Variants in LIMS1 observed in about 807,000 individuals in gnomAD.
LIMS1 encodes the protein LIM and senescent cell antigen-like-containing domain protein 1.
LIMS1 carries 18 observed loss-of-function variants against 44.1 expected under a neutral mutation model. That is an observed-to-expected ratio of 0.41 (90% CI 0.28 to 0.61). LIMS1 has a LOEUF of 0.61. LIMS1 is among the 20% of genes least tolerant of loss of function. The pLI, the probability that LIMS1 is intolerant of heterozygous loss-of-function variation, is 0.32. For synonymous variants in LIMS1, 93 were observed against 149.1 expected, an observed-to-expected ratio of 0.62 and a Z score of 2.74; for missense variants, 201 against 422.0, an observed-to-expected ratio of 0.48 and a Z score of 4.59.
chr2:108,624,709 A>T (rs1015103045), intron 1 of LIMS1, among the ~76,000 whole-genome samples: 5 of 152,188 alleles, frequency 3.3e-5, no homozygotes, highest in South Asian at 2.1e-4. Flanking sequence ...GTGAGCCGAG[A>T]TCGCGCCACT....
At position 108,588,037 on chromosome 2, in the gene LIMS1, C is replaced by G. The variant is rs913482860; in HGVS notation, c.32+53443C>G. Among the ~76,000 whole-genome samples, 19 of 152,294 alleles carry G rather than the reference C, an allele frequency of 1.2e-4. 1 individual carries two copies. The highest frequency in any genetic ancestry group is 1.2e-3 in the Admixed American group (19 of 15,300). On this transcript the variant is annotated intron_variant, in intron 1 of 9. Transcript: ENST00000544547. ...AGAGATCCAGAGGGCCAGAGGCTAT[C>G]ATTTTTTTAAAGTTACCTCTTTCTA...
rs536138857 is a variant in LIMS1 at position 108,540,574 on chromosome 2, G to A, written c.32+5980G>A. Among the ~76,000 whole-genome samples the A allele has an allele frequency of 7.2e-5, 11 of 152,258 alleles. No individual in the cohort carries two copies. The East Asian group carries it at 7.7e-4, about 11-fold the overall frequency. On this transcript the variant is annotated intron_variant, in intron 1 of 9. Transcript: ENST00000544547. ...TATAGTGCATGCTTTATCTGTTAACGTGCTAAAAAGACAATCATGGTGACA... is the reference window on the plus strand; with the variant it reads ...TATAGTGCATGCTTTATCTGTTAACATGCTAAAAAGACAATCATGGTGACA...
chr2:108,591,026 G>A (rs1304738156), intron 1 of LIMS1, among the ~76,000 whole-genome samples: 1 of 152,196 alleles, frequency 6.6e-6, no homozygotes. Context: ...GAGGGAGGGT[G>A]TATGTGGAGT....
rs934799506 is a variant in LIMS1 at position 108,615,746 on chromosome 2, G to A, written c.33-43859G>A. Among the ~76,000 whole-genome samples, 7 of 152,176 alleles carry A rather than the reference G, an allele frequency of 4.6e-5. No individual in the cohort carries two copies. In the East Asian group the frequency reaches 1.3e-3, roughly 29 times the overall value. On this transcript the variant is annotated intron_variant, in intron 1 of 9. Transcript: ENST00000544547. ...AGAAGGAGAAAAGTGTGCTTAGTCA[G>A]GGAGTCATGTTGCACAGGTCCTGTC...
intron 1 of LIMS1, among the ~76,000 whole-genome samples, chr2:108,635,712 G>A (rs1689201207): frequency 6.6e-6 from 1 of 152,062 alleles, no homozygotes; most frequent in African/African-American, 2.4e-5. Flanking sequence ...AAAAAAGAAT[G>A]AGGTAGACAG....
chr2:108,644,507 G>T (rs886592249), intron 1 of LIMS1, among the ~76,000 whole-genome samples: 1 of 152,122 alleles, frequency 6.6e-6, no homozygotes, highest in Non-Finnish European at 1.5e-5. Flanking sequence ...CAACTTCAAA[G>T]ACCAAAGGTA....
At chr2:108,550,656 A>G (rs1482401259) in intron 1 of LIMS1, among the ~76,000 whole-genome samples, 9 of 149,864 alleles carry the variant, frequency 6.0e-5, no homozygotes, top group Non-Finnish European at 1.2e-4. Context: ...TCTACTAAAA[A>G]TACAAAAAAA....
chr2:108,582,898 C>T (rs1685939843), intron 1 of LIMS1, among the ~76,000 whole-genome samples: 1 of 152,108 alleles, frequency 6.6e-6, no homozygotes, highest in African/African-American at 2.4e-5. Context: ...GGACTTTATG[C>T]TTTATTTTCA....
At chr2:108,630,228 A>T (rs1304211511) in intron 1 of LIMS1, among the ~76,000 whole-genome samples, 2 of 151,444 alleles carry the variant, frequency 1.3e-5, no homozygotes, top group Non-Finnish European at 2.9e-5. Context: ...AAGAAAAGAA[A>T]ACCAGAAGAC....
At chr2:108,549,279 C>CTTTTTGTTTTT (rs1684598890) in intron 1 of LIMS1, among the ~76,000 whole-genome samples, 1 of 55,784 alleles carries the variant, frequency 1.8e-5, no homozygotes, top group Non-Finnish European at 3.1e-5. Context: ...TAAAGTGTTT[C>CTTTTTGTTTTT]TTTTTTTTTT....
At chr2:108,622,629 T>C (rs1688312661) in intron 1 of LIMS1, among the ~76,000 whole-genome samples, 1 of 152,152 alleles carries the variant, frequency 6.6e-6, no homozygotes, top group Non-Finnish European at 1.5e-5. Flanking sequence ...TTTAAAAGTC[T>C]CAGAGTTTAA....
chr2:108,675,545 G>A (rs1692483029), intron 5 of LIMS1, among the ~76,000 whole-genome samples: 1 of 152,176 alleles, frequency 6.6e-6, no homozygotes, highest in Admixed American at 6.5e-5. Context: ...CCTCAGCACT[G>A]TGATTATTCC....
intron 1 of LIMS1, among the ~76,000 whole-genome samples, chr2:108,558,430 C>T (rs1530027): frequency 0.39 from 58,738 of 151,466 alleles, 12,840 homozygotes; most frequent in East Asian, 0.89. Context: ...AGGATGGTCT[C>T]GATCTCCTGA....
chr2:108,621,354 T>A (rs1376358297), intron 1 of LIMS1: 8 of 1,550,074 alleles, frequency 5.2e-6, no homozygotes, highest in Non-Finnish European at 7.0e-6. Context: ...TGGAGAGAAG[T>A]ATGACTGCAT....
rs1412535889 is a variant in LIMS1, at chr2:108,581,937, CA to C, written c.32+47357del. On this transcript the variant is annotated intron_variant, in intron 1 of 9. Transcript: ENST00000544547. ...GGGCAACAAGAGTGAAACTCCATCT[CA>C]AAAAAAAAAAAAACAAACAAAAAAT... Among the ~76,000 whole-genome samples the C allele has an allele frequency of 4.1e-3, 426 of 103,384 alleles. 4 individuals are homozygous for C. Among genetic ancestry groups the C allele is most frequent in the African/African-American group, 0.011 (302 of 28,310 alleles). The allele number at this position is 103,384 out of a possible 152,430, so 67.8% of individuals were successfully genotyped here.
chr2:108,604,211 A>C (rs1334264963), intron 1 of LIMS1, among the ~76,000 whole-genome samples: 1 of 152,092 alleles, frequency 6.6e-6, no homozygotes, highest in Non-Finnish European at 1.5e-5. Flanking sequence ...TGAGCTAAGA[A>C]TATTTTGACC....
Position 108,637,097 on chromosome 2 carries a change from A to ATG in LIMS1, c.33-22507_33-22506insGT, listed in dbSNP as rs749792879. Among the ~76,000 whole-genome samples, 482 of 132,122 alleles carry ATG rather than the reference A, an allele frequency of 3.6e-3. 5 individuals are homozygous for ATG. The highest frequency in any genetic ancestry group is 0.012 in the Middle Eastern group (3 of 258). The allele number at this position is 132,122 out of a possible 152,430, so 86.7% of individuals were successfully genotyped here. On this transcript the variant is annotated intron_variant, in intron 1 of 9. Transcript: ENST00000544547. ...TTTTTAAATTCAGCAAAATATACATATATGTGTGTGTGTGTGTGTGTGTGT... is the reference window on the plus strand; with the variant it reads ...TTTTTAAATTCAGCAAAATATACATATGTATGTGTGTGTGTGTGTGTGTGTGT...
intron 9 of LIMS1, among the ~76,000 whole-genome samples, chr2:108,682,313 C>G (rs1174604444): frequency 6.6e-6 from 1 of 152,022 alleles, no homozygotes; most frequent in Admixed American, 6.6e-5. Context: ...GCCTGGGCAA[C>G]ATGGTGAAGC....
intron 1 of LIMS1, among the ~76,000 whole-genome samples, chr2:108,576,673 A>G (rs1685680526): frequency 6.6e-6 from 1 of 152,162 alleles, no homozygotes; most frequent in Admixed American, 6.5e-5. Context: ...TGCTGGGATT[A>G]CAGGTGTGAG....
Sources: gnomAD v4.1 joint callset for allele counts (sites outside exome capture counted in the v4.1 genomes callset) on GRCh38, gnomAD v4.1.1 for gene constraint, MANE v1.5 for transcripts, NCBI Gene and HGNC (gene_info 2026-07-23, HGNC 2026-07-21) for gene names.